Variants in C8orf34 observed in about 807,000 individuals in gnomAD.
C8orf34 encodes uncharacterized protein C8orf34.
Under a neutral mutation model 68.3 loss-of-function variants are expected in C8orf34, and 65 were observed. That is an observed-to-expected ratio of 0.95 (90% confidence interval 0.78 to 1.17). The LOEUF is 1.17. C8orf34 is among the 50% of genes most tolerant of loss of function. The probability of loss-of-function intolerance (pLI) is 0.00; values close to 1 mark genes in which losing one functional copy is unlikely to be tolerated. For synonymous variants in C8orf34, 244 were observed against 241.2 expected, an observed-to-expected ratio of 1.01 and a Z score of -0.11; for missense variants, 664 against 655.4, an observed-to-expected ratio of 1.01 and a Z score of -0.14.
At chr8:68,589,441 G>T (rs1472423305) in intron 7 of C8orf34, among the ~76,000 whole-genome samples, 1 of 124,640 alleles carries the variant, frequency 8.0e-6, no homozygotes, top group Non-Finnish European at 1.8e-5. Context: ...AAAGAAGGAA[G>T]GGGGAAAGAA....
chr8:68,629,174 T>G (rs1818619777), intron 7 of C8orf34, among the ~76,000 whole-genome samples: 1 of 152,210 alleles, frequency 6.6e-6, no homozygotes, highest in Admixed American at 6.6e-5. Flanking sequence ...TACCAGGTTT[T>G]CTCAGCCAGA....
chr8:68,625,067 A>T (rs191778688), intron 7 of C8orf34, among the ~76,000 whole-genome samples: 1 of 152,218 alleles, frequency 6.6e-6, no homozygotes, highest in Non-Finnish European at 1.5e-5. Flanking sequence ...AAAGAATGAT[A>T]GAGGTTGCTC....
intron 1 of C8orf34, among the ~76,000 whole-genome samples, chr8:68,364,958 C>T (rs1330587563): frequency 4.0e-5 from 6 of 150,264 alleles, no homozygotes; most frequent in African/African-American, 1.2e-4. Flanking sequence ...AATCCAGGAG[C>T]TGGTTTTTTG....
intron 10 of C8orf34, among the ~76,000 whole-genome samples, chr8:68,746,631 T>C (rs1822505721): frequency 6.7e-6 from 1 of 148,790 alleles, no homozygotes; most frequent in South Asian, 2.2e-4. Context: ...CTAGAAAATC[T>C]AGAAGAAATG....
chr8:68,799,164 T>G (rs1425532462), intron 12 of C8orf34, among the ~76,000 whole-genome samples: 2 of 152,222 alleles, frequency 1.3e-5, no homozygotes, highest in Non-Finnish European at 2.9e-5. Context: ...TTTTGTTATT[T>G]TTAAAAATCA....
intron 7 of C8orf34, among the ~76,000 whole-genome samples, chr8:68,639,513 A>G (rs568387365): frequency 2.0e-5 from 3 of 152,198 alleles, no homozygotes; most frequent in Non-Finnish European, 4.4e-5. Context: ...TAGTCATCAG[A>G]AGATGGTGAT....
intron 1 of C8orf34, among the ~76,000 whole-genome samples, chr8:68,403,888 G>A (rs866975520): frequency 6.6e-6 from 1 of 152,000 alleles, no homozygotes; most frequent in African/African-American, 2.4e-5. Context: ...TAACCCTTTG[G>A]GTATATACCC....
intron 1 of C8orf34, among the ~76,000 whole-genome samples, chr8:68,343,696 C>G (rs901685632): frequency 6.6e-6 from 1 of 151,712 alleles, no homozygotes. Flanking sequence ...TGGGTTCAAA[C>G]GATCCTTCTG....
At chr8:68,612,650 C>G (rs1818057367) in intron 7 of C8orf34, among the ~76,000 whole-genome samples, 1 of 152,036 alleles carries the variant, frequency 6.6e-6, no homozygotes, top group Non-Finnish European at 1.5e-5. Flanking sequence ...TATGCCAAGA[C>G]CTATAATATG....
chr8:68,653,272 AT>A (rs1819414793), intron 8 of C8orf34, among the ~76,000 whole-genome samples: 2 of 152,188 alleles, frequency 1.3e-5, no homozygotes, highest in African/African-American at 4.8e-5. Flanking sequence ...GATTACATTG[AT>A]TTCACCAATG....
At chr8:68,688,876 T>C (rs938598070) in intron 8 of C8orf34, among the ~76,000 whole-genome samples, 4 of 151,904 alleles carry the variant, frequency 2.6e-5, no homozygotes, top group African/African-American at 9.7e-5. Context: ...GCTAATGCAG[T>C]TGGGGCTTAA....
intron 11 of C8orf34, among the ~76,000 whole-genome samples, chr8:68,783,074 A>T (rs1410127057): frequency 1.3e-5 from 2 of 151,596 alleles, no homozygotes; most frequent in Admixed American, 1.3e-4. Flanking sequence ...TCTCAAAAAA[A>T]AAAAAAGAAA....
intron 1 of C8orf34, among the ~76,000 whole-genome samples, chr8:68,378,104 C>A (rs938802567): frequency 6.6e-6 from 1 of 152,100 alleles, no homozygotes; most frequent in East Asian, 1.9e-4. Flanking sequence ...GGGGACACAG[C>A]CAAACCGTAT....
chr8:68,401,791 A>G (rs1563408221), intron 1 of C8orf34, among the ~76,000 whole-genome samples: 8 of 151,672 alleles, frequency 5.3e-5, no homozygotes. Flanking sequence ...GTTGTGATTC[A>G]GTTTGCTAAT....
intron 7 of C8orf34, among the ~76,000 whole-genome samples, chr8:68,599,800 T>A (rs2130484754): frequency 6.6e-6 from 1 of 152,056 alleles, no homozygotes; most frequent in African/African-American, 2.4e-5. Flanking sequence ...ATCATCAAAA[T>A]TAAAGTTTTG....
At chr8:68,790,931 G>A (rs564652084) in intron 12 of C8orf34, 17 of 679,170 alleles carry the variant, frequency 2.5e-5, no homozygotes, top group South Asian at 2.1e-4. Flanking sequence ...ATGAGTCAGA[G>A]GGTTATGTTT....
At chr8:68,612,547 T>C (rs1331930379) in intron 7 of C8orf34, among the ~76,000 whole-genome samples, 1 of 152,184 alleles carries the variant, frequency 6.6e-6, no homozygotes, top group African/African-American at 2.4e-5. Flanking sequence ...AGATTGTTTA[T>C]AGTTAAATAT....
chr8:68,775,872 G>A (rs977330491), intron 10 of C8orf34, among the ~76,000 whole-genome samples: 18 of 152,080 alleles, frequency 1.2e-4, no homozygotes, highest in Admixed American at 9.2e-4. Context: ...GATGGAGCTG[G>A]AAGCCATTAT....
Position 68,350,389 on chromosome 8 carries a change from G to A in C8orf34, c.327+19050G>A, listed in dbSNP as rs1206611884. ...TTTAGAGTATGTGCCATGTGGTGACGAGAAAAATGTATATTCTGTTGTTTG... is the reference window on the plus strand; with the variant it reads ...TTTAGAGTATGTGCCATGTGGTGACAAGAAAAATGTATATTCTGTTGTTTG... On this transcript the variant is annotated intron_variant, in intron 1 of 13. Transcript: ENST00000518698. Among the ~76,000 whole-genome samples, 6 of 152,012 alleles carry A rather than the reference G, an allele frequency of 3.9e-5. No individual in the cohort carries two copies. In the South Asian group the frequency reaches 6.2e-4, roughly 16 times the overall value.
Sources: gnomAD v4.1 joint callset for allele counts (sites outside exome capture counted in the v4.1 genomes callset) on GRCh38, gnomAD v4.1.1 for gene constraint, MANE v1.5 for transcripts, NCBI Gene and HGNC (gene_info 2026-07-23, HGNC 2026-07-21) for gene names.